Variants in TRAPPC9 observed in about 807,000 individuals in gnomAD.
TRAPPC9 encodes IKK2 binding protein.
Under a neutral mutation model 124.0 loss-of-function variants are expected in TRAPPC9, and 83 were observed. That is an observed-to-expected ratio of 0.67 (90% confidence interval 0.56 to 0.80). The LOEUF (loss-of-function observed/expected upper bound fraction) is 0.80, where lower values mean the gene tolerates loss of function less well. Among genes scored for constraint, TRAPPC9 ranks in the 30% least tolerant of loss-of-function variants. The pLI is 0.00. For synonymous variants in TRAPPC9, 638 were observed against 617.5 expected (o/e 1.03, Z -0.49); for missense variants, 1,302 against 1,508.3 (o/e 0.86, Z 2.27).
intron 9 of TRAPPC9, among the ~76,000 whole-genome samples, chr8:140,313,245 T>C (rs1389041094): frequency 6.6e-6 from 1 of 152,248 alleles, no homozygotes; most frequent in Non-Finnish European, 1.5e-5. Flanking sequence ...TGCCTAATGT[T>C]AGGCAGAGCA....
At chr8:139,757,525 G>C (rs570101864) in intron 21 of TRAPPC9, among the ~76,000 whole-genome samples, 24 of 152,020 alleles carry the variant, frequency 1.6e-4, no homozygotes, top group African/African-American at 4.8e-4. Flanking sequence ...GCCAGGGTTT[G>C]GGTATGGGGA....
At chr8:140,327,601 T>A (rs368059892) in intron 9 of TRAPPC9, among the ~76,000 whole-genome samples, 1 of 152,354 alleles carries the variant, frequency 6.6e-6, no homozygotes, top group East Asian at 1.9e-4. Flanking sequence ...GAAATTTTGA[T>A]AAATGCTATC....
intron 17 of TRAPPC9, among the ~76,000 whole-genome samples, chr8:140,188,042 T>C (rs1413099676): frequency 6.6e-6 from 1 of 152,152 alleles, no homozygotes; most frequent in Non-Finnish European, 1.5e-5. Context: ...TTCTCATTTT[T>C]CCAGTTTACT....
chr8:139,768,863 C>T (rs985708333), intron 21 of TRAPPC9, among the ~76,000 whole-genome samples: 1 of 152,122 alleles, frequency 6.6e-6, no homozygotes, highest in African/African-American at 2.4e-5. Flanking sequence ...CCTTCAAAGA[C>T]ATACAAAGTA....
intron 18 of TRAPPC9, 121 bp downstream of exon 18, chr8:140,023,816 A>G (rs1423751996): frequency 8.5e-5 from 125 of 1,470,606 alleles, no homozygotes; most frequent in Non-Finnish European, 8.5e-6. Flanking sequence ...AGGCTCAGCA[A>G]CTTGGCCCCA....
intron 19 of TRAPPC9, among the ~76,000 whole-genome samples, chr8:139,925,774 AG>A (rs1332771640): frequency 2.0e-5 from 3 of 151,422 alleles, no homozygotes; most frequent in African/African-American, 7.3e-5. Context: ...AGAAAGCCTC[AG>A]AAAACAGAAC....
At chr8:139,938,546 A>G (rs1374181659) in intron 19 of TRAPPC9, among the ~76,000 whole-genome samples, 6 of 151,798 alleles carry the variant, frequency 4.0e-5, no homozygotes, top group African/African-American at 1.2e-4. Flanking sequence ...CGGCCTCCCA[A>G]AGTGCTGGGA....
At chr8:140,288,259 C>G (rs72690664) in intron 12 of TRAPPC9, among the ~76,000 whole-genome samples, 11,892 of 152,254 alleles carry the variant, frequency 0.078, 560 homozygotes, top group Admixed American at 0.12. Flanking sequence ...GGGATGATCA[C>G]CCGAGCCCAG....
intron 21 of TRAPPC9, among the ~76,000 whole-genome samples, chr8:139,824,717 C>T (rs943781970): frequency 3.3e-5 from 5 of 152,110 alleles, no homozygotes; most frequent in African/African-American, 9.7e-5. Flanking sequence ...AGTACCACTA[C>T]GCCCAGCTAA....
chr8:140,440,533 T>C (rs2070976560), intron 2 of TRAPPC9, among the ~76,000 whole-genome samples: 2 of 151,394 alleles, frequency 1.3e-5, no homozygotes, highest in Admixed American at 1.3e-4. Flanking sequence ...GAAAGGCATC[T>C]GAGCTGCTCT....
intron 17 of TRAPPC9, among the ~76,000 whole-genome samples, chr8:140,123,193 G>A (rs1039792127): frequency 5.9e-5 from 9 of 151,604 alleles, no homozygotes; most frequent in South Asian, 2.1e-4. Context: ...CACTGTCCCC[G>A]ACCCCTCTTC....
chr8:139,784,608 C>CATACAT (rs1554643612), intron 21 of TRAPPC9, among the ~76,000 whole-genome samples: 5 of 88,656 alleles, frequency 5.6e-5, no homozygotes, highest in African/African-American at 2.0e-4. Flanking sequence ...AAAAGACTGA[C>CATACAT]ATATATATAT....
chr8:139,849,260 C>T (rs752483660), intron 21 of TRAPPC9, among the ~76,000 whole-genome samples: 1 of 152,196 alleles, frequency 6.6e-6, no homozygotes, highest in Non-Finnish European at 1.5e-5. Flanking sequence ...GTGGGTTGGG[C>T]CATTAAGACA....
At chr8:140,115,887 G>A (rs1038591471) in intron 17 of TRAPPC9, among the ~76,000 whole-genome samples, 52 of 152,200 alleles carry the variant, frequency 3.4e-4, no homozygotes, top group African/African-American at 1.2e-3. Flanking sequence ...TGTGATGAGC[G>A]AATGTGACAG....
At chr8:140,306,508 A>G (rs1052127074) in intron 10 of TRAPPC9, among the ~76,000 whole-genome samples, 30 of 151,710 alleles carry the variant, frequency 2.0e-4, no homozygotes, top group Admixed American at 3.9e-4. Context: ...AAAAAAAAAA[A>G]AAGAAGAAGA....
intron 21 of TRAPPC9, among the ~76,000 whole-genome samples, chr8:139,830,722 C>A (rs1563846886): frequency 6.6e-6 from 1 of 152,222 alleles, no homozygotes; most frequent in Non-Finnish European, 1.5e-5. Context: ...TACACACACA[C>A]ACAGACACAC....
intron 21 of TRAPPC9, among the ~76,000 whole-genome samples, chr8:139,871,854 G>C (rs1431650785): frequency 6.6e-6 from 1 of 152,206 alleles, no homozygotes; most frequent in Non-Finnish European, 1.5e-5. Flanking sequence ...TGGATCAATG[G>C]GTAGGTAGAT....
intron 1 of TRAPPC9, among the ~76,000 whole-genome samples, chr8:140,452,527 A>C (rs1224076283): frequency 6.6e-6 from 1 of 152,184 alleles, no homozygotes; most frequent in Non-Finnish European, 1.5e-5. Context: ...TGTGCCTAAC[A>C]TAAAAGGAGA....
intron 4 of TRAPPC9, among the ~76,000 whole-genome samples, chr8:140,431,579 A>G (rs1489600471): frequency 6.6e-6 from 1 of 152,228 alleles, no homozygotes; most frequent in Non-Finnish European, 1.5e-5. Context: ...TGATGACTTC[A>G]TATAAAATAA....
Sources: allele counts gnomAD v4.1 joint callset (sites outside exome capture counted in the v4.1 genomes callset), GRCh38; gene constraint gnomAD v4.1.1; transcripts MANE v1.5; gene names NCBI Gene and HGNC (gene_info 2026-07-23, HGNC 2026-07-21).